The following AFG1L variants were observed in gnomAD, a reference collection of about 807,000 sequenced individuals.
AFG1L encodes AFG1 like ATPase, also known as AFG1-like ATPase.
AFG1L carries 53 observed loss-of-function variants against 62.2 expected under a neutral mutation model. That is an observed-to-expected ratio of 0.85 (90% CI 0.68 to 1.07). The LOEUF is 1.07. Ranked by LOEUF, AFG1L falls within the 50% of genes least tolerant of loss-of-function variation. AFG1L has a pLI of 0.00. For synonymous variants in AFG1L, 228 were observed against 210.3 expected, an observed-to-expected ratio of 1.08 and a Z score of -0.73; for missense variants, 555 against 590.5, an observed-to-expected ratio of 0.94 and a Z score of 0.62.
intron 8 of AFG1L, among the ~76,000 whole-genome samples, chr6:108,458,794 C>T (rs1470964813): frequency 3.9e-5 from 6 of 151,976 alleles, no homozygotes; most frequent in African/African-American, 7.3e-5. Context: ...GATTTTCCTG[C>T]CTTTCATGCT....
intron 5 of AFG1L, chr6:108,359,151 G>A (rs2114472620): frequency 6.6e-6 from 1 of 152,046 alleles, no homozygotes; most frequent in Admixed American, 6.6e-5. Flanking sequence ...ATTGAGGATG[G>A]GGCTTATGAA....
chr6:108,446,389 G>A (rs1562166893), intron 7 of AFG1L, among the ~76,000 whole-genome samples: 1 of 151,986 alleles, frequency 6.6e-6, no homozygotes, highest in Non-Finnish European at 1.5e-5. Flanking sequence ...GGCAGTGGCA[G>A]CCATTTAGAA....
At chr6:108,510,115 C>A in intron 10 of AFG1L, 97 bp from the exon 11 acceptor site, 2 of 894,054 alleles carry the variant, frequency 2.2e-6, no homozygotes, top group Non-Finnish European at 3.3e-6. Flanking sequence ...ACCTAGATCA[C>A]ACCATGACAA....
chr6:108,461,225 A>G (rs1012868652), intron 8 of AFG1L, among the ~76,000 whole-genome samples: 31 of 152,162 alleles, frequency 2.0e-4, no homozygotes, highest in African/African-American at 7.5e-4. Flanking sequence ...AGTAATGGTA[A>G]TGAATCTGTG....
At chr6:108,361,517 G>A (rs115290059) in intron 5 of AFG1L, among the ~76,000 whole-genome samples, 1,788 of 151,854 alleles carry the variant, frequency 0.012, 27 homozygotes, top group African/African-American at 0.038. Context: ...GGAATAGGAC[G>A]GGGTAACTAT....
chr6:108,349,658 G>A (rs1465897342), intron 3 of AFG1L, among the ~76,000 whole-genome samples: 2 of 152,144 alleles, frequency 1.3e-5, no homozygotes, highest in Non-Finnish European at 2.9e-5. Flanking sequence ...GCTCATGCCT[G>A]TAATCTCAGC....
intron 5 of AFG1L, among the ~76,000 whole-genome samples, chr6:108,358,135 C>T (rs574893399): frequency 6.6e-6 from 1 of 152,132 alleles, no homozygotes; most frequent in Non-Finnish European, 1.5e-5. Context: ...CTCATTGAGT[C>T]GTTTGAAAAA....
At chr6:108,503,503 T>G (rs1774282783) in intron 10 of AFG1L, among the ~76,000 whole-genome samples, 1 of 152,216 alleles carries the variant, frequency 6.6e-6, no homozygotes, top group Non-Finnish European at 1.5e-5. Flanking sequence ...GCAGTAGCTC[T>G]TAAAGGGGGC....
chr6:108,407,400 T>C (rs1781904871), intron 7 of AFG1L, among the ~76,000 whole-genome samples: 1 of 152,198 alleles, frequency 6.6e-6, no homozygotes, highest in South Asian at 2.1e-4. Flanking sequence ...GAGTCAAAGA[T>C]AAACCCTGTG....
At chr6:108,425,919 G>T (rs1172221018) in intron 7 of AFG1L, among the ~76,000 whole-genome samples, 2 of 152,078 alleles carry the variant, frequency 1.3e-5, no homozygotes, top group African/African-American at 2.4e-5. Flanking sequence ...GATAACAATT[G>T]ACTATTGTTA....
At chr6:108,329,082 C>CCCTTCCTT (rs532147611) in intron 2 of AFG1L, among the ~76,000 whole-genome samples, 1 of 139,718 alleles carries the variant, frequency 7.2e-6, no homozygotes, top group Non-Finnish European at 1.6e-5. Context: ...CTCCCTCCTT[C>CCCTTCCTT]CCTTCCTTCC....
chr6:108,457,554 T>G (rs1428434782), intron 8 of AFG1L, among the ~76,000 whole-genome samples: 1 of 151,822 alleles, frequency 6.6e-6, no homozygotes, highest in East Asian at 1.9e-4. Context: ...ATGCAGTACT[T>G]TATTATCTTT....
At chr6:108,445,681 A>AGAGAGAGAGAGAGAGAGAGAGAG (rs1582598653) in intron 7 of AFG1L, among the ~76,000 whole-genome samples, 2 of 140,346 alleles carry the variant, frequency 1.4e-5, no homozygotes, top group African/African-American at 5.4e-5. Context: ...AGAGAGAGAG[A>AGAGAGAGAGAGAGAGAGAGAGAG]AACAGCCAGT....
chr6:108,380,855 C>G (rs1780475074), intron 6 of AFG1L, among the ~76,000 whole-genome samples: 1 of 152,166 alleles, frequency 6.6e-6, no homozygotes, highest in East Asian at 1.9e-4. Flanking sequence ...AGGTGAGTCA[C>G]AGAGGAGACT....
At chr6:108,407,941 A>G (rs1781929684) in intron 7 of AFG1L, among the ~76,000 whole-genome samples, 3 of 152,140 alleles carry the variant, frequency 2.0e-5, no homozygotes, top group South Asian at 2.1e-4. Context: ...TTATGTTTCT[A>G]TGGTTTGATT....
chr6:108,354,568 G>T (rs778517314), intron 3 of AFG1L, among the ~76,000 whole-genome samples: 1 of 152,096 alleles, frequency 6.6e-6, no homozygotes, highest in Non-Finnish European at 1.5e-5. Flanking sequence ...GCCTCCCAAA[G>T]TGCTGGGATT....
At chr6:108,519,557 G>A in intron 11 of AFG1L, 140 bp from the exon 12 acceptor site, 1 of 571,762 alleles carries the variant, frequency 1.7e-6, no homozygotes, top group South Asian at 2.0e-5. Context: ...TAAACAATTA[G>A]GGAAAAAAAA....
chr6:108,381,753 A>G (rs1207773406), intron 6 of AFG1L, among the ~76,000 whole-genome samples: 1 of 152,280 alleles, frequency 6.6e-6, no homozygotes, highest in African/African-American at 2.4e-5. Flanking sequence ...GAAGACTCTG[A>G]CAACAAATTA....
chr6:108,496,270 C>T (rs1773971783), intron 10 of AFG1L, among the ~76,000 whole-genome samples: 1 of 152,154 alleles, frequency 6.6e-6, no homozygotes, highest in Non-Finnish European at 1.5e-5. Context: ...CTGTGTTTTG[C>T]AAAGTTCTTG....
Sources: allele counts gnomAD v4.1 joint callset (sites outside exome capture counted in the v4.1 genomes callset), GRCh38; gene constraint gnomAD v4.1.1; transcripts MANE v1.5; gene names NCBI Gene and HGNC (gene_info 2026-07-23, HGNC 2026-07-21).